Variants in GSK3B observed in about 807,000 individuals in gnomAD.
GSK3B encodes glycogen synthase kinase 3 beta.
In GSK3B, 15 loss-of-function variants were observed where a neutral mutation model predicts 56.4. The ratio of observed to expected loss-of-function variants is 0.27; its 90% confidence interval spans 0.18 to 0.41. The LOEUF (loss-of-function observed/expected upper bound fraction) is 0.41. GSK3B is among the 10% of genes least tolerant of loss of function. The pLI, the probability that GSK3B is intolerant of heterozygous loss-of-function variation, is 1.00. For synonymous variants in GSK3B, 181 were observed against 188.9 expected, an observed-to-expected ratio of 0.96 and a Z score of 0.34; for missense variants, 300 against 513.4, an observed-to-expected ratio of 0.58 and a Z score of 4.02.
chr3:120,010,550 CA>C (rs927233309), intron 1 of GSK3B, among the ~76,000 whole-genome samples: 3 of 151,972 alleles, frequency 2.0e-5, no homozygotes, highest in African/African-American at 7.3e-5. Context: ...ACTGTAACAC[CA>C]AAAAAAGATT....
chr3:120,017,803 T>C (rs1171387882), intron 1 of GSK3B, among the ~76,000 whole-genome samples: 1 of 152,232 alleles, frequency 6.6e-6, no homozygotes, highest in African/African-American at 2.4e-5. Context: ...TCCCATTTTA[T>C]GACTATGCAG....
intron 7 of GSK3B, among the ~76,000 whole-genome samples, chr3:119,900,303 T>A (rs2056612791): frequency 1.3e-5 from 2 of 152,102 alleles, no homozygotes; most frequent in African/African-American, 4.8e-5. Context: ...CCTAAAACTC[T>A]TCTATTCAAA....
intron 10 of GSK3B, among the ~76,000 whole-genome samples, chr3:119,841,700 C>T (rs1401189775): frequency 6.6e-6 from 1 of 152,168 alleles, no homozygotes; most frequent in African/African-American, 2.4e-5. Flanking sequence ...GTAATTGCCA[C>T]TCCATTTTAC....
intron 8 of GSK3B, among the ~76,000 whole-genome samples, chr3:119,874,464 C>T (rs967003307): frequency 2.0e-5 from 3 of 151,784 alleles, no homozygotes; most frequent in Non-Finnish European, 2.9e-5. Context: ...ACTACATCAC[C>T]GATTTCAGAC....
intron 1 of GSK3B, among the ~76,000 whole-genome samples, chr3:120,055,619 A>C (rs533024842): frequency 1.3e-5 from 2 of 152,196 alleles, no homozygotes; most frequent in African/African-American, 4.8e-5. Flanking sequence ...CAAGAAAATA[A>C]GGGAATATAC....
chr3:119,922,657 G>A (rs1200836815), intron 4 of GSK3B, among the ~76,000 whole-genome samples: 1 of 151,394 alleles, frequency 6.6e-6, no homozygotes, highest in Non-Finnish European at 1.5e-5. Flanking sequence ...CTAACCATAA[G>A]ACATTCAGAG....
chr3:119,877,579 A>C (rs1000520847), intron 7 of GSK3B, among the ~76,000 whole-genome samples: 1 of 152,304 alleles, frequency 6.6e-6, no homozygotes, highest in Admixed American at 6.5e-5. Flanking sequence ...TCGATATATC[A>C]GGCAAAGTTT....
In GSK3B at chr3:120,094,192, G is replaced by A. The variant is rs2058543227; in HGVS notation, c.-758C>T. 2 of 227,818 alleles carry A rather than the reference G, an allele frequency of 8.8e-6. No homozygotes were observed. The highest frequency in any genetic ancestry group is 2.2e-5 in the African/African-American group (1 of 44,604). 14.1% of individuals were successfully genotyped at this position (227,818 alleles called of 1,614,324 possible). A position where few individuals can be genotyped will look rare whatever the true frequency, so the allele number is the denominator to read the frequency against. ...TGTTCCCCATTCGCCGGGGACATGGGAACCCGGCAACCGCTTCCGTCCCTC... is the reference window on the plus strand; with the variant it reads ...TGTTCCCCATTCGCCGGGGACATGGAAACCCGGCAACCGCTTCCGTCCCTC... On this transcript the variant is annotated 5_prime_UTR_variant, in exon 1 of 11. Transcript: ENST00000264235.
chr3:119,880,602 A>C (rs556972011), intron 7 of GSK3B, among the ~76,000 whole-genome samples: 24 of 152,352 alleles, frequency 1.6e-4, no homozygotes, highest in African/African-American at 5.0e-4. Flanking sequence ...CACTGATATA[A>C]ATCAAAAAGG....
intron 2 of GSK3B, among the ~76,000 whole-genome samples, chr3:119,984,523 T>A (rs963842312): frequency 6.6e-6 from 1 of 151,536 alleles, no homozygotes; most frequent in South Asian, 2.1e-4. Context: ...TAAAAAATGA[T>A]AAAGGGGATA....
At chr3:119,983,797 A>G (rs2057487271) in intron 2 of GSK3B, among the ~76,000 whole-genome samples, 2 of 152,064 alleles carry the variant, frequency 1.3e-5, no homozygotes, top group African/African-American at 2.4e-5. Flanking sequence ...TAGAAAGATC[A>G]ACTACAAAAG....
Position 119,825,948 on chromosome 3 carries a change from C to T in GSK3B, c.*840G>A. 1 of 215,112 alleles carries T rather than the reference C, an allele frequency of 4.6e-6. No individual in the cohort carries two copies. The highest frequency in any genetic ancestry group is 7.0e-5 in the East Asian group (1 of 14,384). The allele number at this position is 215,112 out of a possible 1,614,324, so 13.3% of individuals were successfully genotyped here. Reference sequence around the variant, plus strand: ...TCAGCAGCTAGCTCAGCCTGCTCAACACCCCTTCCATCTCCTCCCAGGTCA... The same window carrying T: ...TCAGCAGCTAGCTCAGCCTGCTCAATACCCCTTCCATCTCCTCCCAGGTCA... On this transcript the variant is annotated 3_prime_UTR_variant, in exon 11 of 11. Coordinates refer to ENST00000264235, the MANE Select transcript of GSK3B (RefSeq NM_001146156.2).
At chr3:120,092,214 G>C (rs888169819) in intron 1 of GSK3B, among the ~76,000 whole-genome samples, 1 of 152,106 alleles carries the variant, frequency 6.6e-6, no homozygotes, top group African/African-American at 2.4e-5. Context: ...TAGATACTTA[G>C]TATATATTAA....
chr3:120,001,920 G>A, intron 2 of GSK3B, 126 bp downstream of exon 2: 1 of 552,604 alleles, frequency 1.8e-6, no homozygotes, highest in Non-Finnish European at 3.1e-6. Flanking sequence ...CACTACAATG[G>A]TTGAGCTGAA....
At chr3:119,969,668 G>T (rs2057348303) in intron 2 of GSK3B, among the ~76,000 whole-genome samples, 1 of 152,150 alleles carries the variant, frequency 6.6e-6, no homozygotes, top group South Asian at 2.1e-4. Flanking sequence ...AGATGGCCCA[G>T]AACTAGCAAA....
chr3:120,006,407 A>G (rs549267334), intron 1 of GSK3B, among the ~76,000 whole-genome samples: 2 of 152,346 alleles, frequency 1.3e-5, no homozygotes, highest in Admixed American at 6.5e-5. Flanking sequence ...CTTTGGACCA[A>G]GCGGACCTAA....
At chr3:119,828,699 A>C (rs2055554525) in intron 10 of GSK3B, among the ~76,000 whole-genome samples, 1 of 152,246 alleles carries the variant, frequency 6.6e-6, no homozygotes. Context: ...ATGATGGATT[A>C]GCTGTTCAGT....
intron 2 of GSK3B, among the ~76,000 whole-genome samples, chr3:119,993,706 G>C (rs1316430198): frequency 6.6e-6 from 1 of 152,158 alleles, no homozygotes; most frequent in Admixed American, 6.5e-5. Context: ...AAGAAGGCTA[G>C]AGTGAACTCT....
chr3:119,901,942 A>G (rs1576186321), intron 7 of GSK3B, among the ~76,000 whole-genome samples: 2 of 152,126 alleles, frequency 1.3e-5, no homozygotes, highest in Non-Finnish European at 2.9e-5. Context: ...TTCCAGGGTT[A>G]GTTTCCCCCA....
Sources: gnomAD v4.1 joint callset for allele counts (sites outside exome capture counted in the v4.1 genomes callset) on GRCh38, gnomAD v4.1.1 for gene constraint, MANE v1.5 for transcripts, NCBI Gene and HGNC (gene_info 2026-07-23, HGNC 2026-07-21) for gene names.